SEC24D: variants seen among roughly 807,000 people sequenced by gnomAD.
The protein encoded by SEC24D is protein transport protein Sec24D.
A neutral mutation model predicts 116.9 loss-of-function variants in SEC24D; 69 were observed. The observed-to-expected ratio is 0.59, with a 90% CI of 0.49 to 0.72. SEC24D has a LOEUF of 0.72. SEC24D is among the 30% of genes least tolerant of loss of function. The pLI is 0.00. For synonymous variants in SEC24D, 405 were observed against 442.8 expected (o/e 0.91, Z 1.07); for missense variants, 1,131 against 1,264.1 (o/e 0.89, Z 1.60).
intron 10 of SEC24D, among the ~76,000 whole-genome samples, chr4:118,763,948 T>C (rs1727513165): frequency 6.6e-6 from 1 of 152,126 alleles, no homozygotes; most frequent in African/African-American, 2.4e-5. Flanking sequence ...ACAGAGAAAG[T>C]TGCAAATGCA....
chr4:118,823,325 T>G (rs1406202093), intron 3 of SEC24D, among the ~76,000 whole-genome samples: 6 of 152,176 alleles, frequency 3.9e-5, no homozygotes, highest in Admixed American at 3.9e-4. Context: ...AGCCAGCCAG[T>G]GCCAAGCTCA....
At chr4:118,810,123 T>TGC (rs1486427812) in intron 6 of SEC24D, among the ~76,000 whole-genome samples, 1 of 125,216 alleles carries the variant, frequency 8.0e-6, no homozygotes, top group Non-Finnish European at 1.9e-5. Flanking sequence ...TGTGTGTGTG[T>TGC]GTGTGTGTGT....
chr4:118,753,199 G>A (rs1436169822), intron 11 of SEC24D, among the ~76,000 whole-genome samples: 1 of 151,970 alleles, frequency 6.6e-6, no homozygotes, highest in Non-Finnish European at 1.5e-5. Context: ...CTTTTTTCAT[G>A]AATAAGCTAG....
intron 3 of SEC24D, among the ~76,000 whole-genome samples, chr4:118,824,373 TG>T (rs1337693256): frequency 6.6e-6 from 1 of 152,306 alleles, no homozygotes; most frequent in Admixed American, 6.5e-5. Flanking sequence ...CTCAAACTCC[TG>T]GGCTCAAGCC....
intron 13 of SEC24D, among the ~76,000 whole-genome samples, chr4:118,747,430 C>T (rs1726592875): frequency 6.6e-6 from 1 of 151,846 alleles, no homozygotes; most frequent in African/African-American, 2.4e-5. Flanking sequence ...CCACGCCCAG[C>T]TATTTTTGTA....
chr4:118,747,238 G>A (rs1726578297), intron 13 of SEC24D, among the ~76,000 whole-genome samples: 1 of 150,250 alleles, frequency 6.7e-6, no homozygotes. Context: ...GAAATTCTAT[G>A]ACTGTGAATT....
Position 118,824,673 on chromosome 4 carries a change from T to C in SEC24D, c.195A>G (p.Gly65=). The part of the protein sequence containing the change: ...GMLPPGPPPP[G]PHQFGQNGAH... The stretch of plus-strand genomic sequence containing the variant: ...CTCCATTCTGACCAAACTGATGGGG[T>C]CCAGGAGGTGGGGGACCCGGAGGCA... The change falls in exon 3 of 23, where the codon GGA becomes GGG. Residue 65 remains glycine, a synonymous_variant. Coordinates refer to ENST00000280551, the MANE Select transcript of SEC24D (RefSeq NM_014822.4). 1 of 1,609,054 alleles carries C rather than the reference T, an allele frequency of 6.2e-7. No individual in the cohort carries two copies.
intron 17 of SEC24D, among the ~76,000 whole-genome samples, chr4:118,740,107 G>C (rs933269076): frequency 1.8e-4 from 28 of 152,088 alleles, no homozygotes; most frequent in African/African-American, 6.8e-4. Flanking sequence ...CCTTATAAGA[G>C]GAAAAACTTT....
chr4:118,794,097 G>A (rs1042146814), intron 8 of SEC24D, among the ~76,000 whole-genome samples: 2 of 152,138 alleles, frequency 1.3e-5, no homozygotes, highest in African/African-American at 4.8e-5. Flanking sequence ...GGTAGTATTT[G>A]GTTAAAACAA....
At chr4:118,744,477 G>A (rs113659206) in intron 14 of SEC24D, among the ~76,000 whole-genome samples, 1,995 of 152,318 alleles carry the variant, frequency 0.013, 22 homozygotes, top group Middle Eastern at 0.037. Flanking sequence ...GTGTGTTGCC[G>A]TGTAACCACT....
At chr4:118,814,443 T>C (rs1034366383) in intron 6 of SEC24D, among the ~76,000 whole-genome samples, 21 of 152,216 alleles carry the variant, frequency 1.4e-4, no homozygotes, top group Admixed American at 6.5e-5. Context: ...AACTGAGTGA[T>C]AAATACATCT....
intron 2 of SEC24D, among the ~76,000 whole-genome samples, chr4:118,832,261 C>T (rs1397758907): frequency 6.6e-6 from 1 of 152,096 alleles, no homozygotes; most frequent in East Asian, 1.9e-4. Flanking sequence ...AGGATAGTGT[C>T]ATTGAAACCA....
chr4:118,738,094 A>C (rs958638365), intron 19 of SEC24D, 167 bp downstream of exon 19: 2 of 530,146 alleles, frequency 3.8e-6, no homozygotes, highest in Non-Finnish European at 6.8e-6. Context: ...GGCTATAAAA[A>C]AAAAAACCAC....
intron 10 of SEC24D, among the ~76,000 whole-genome samples, chr4:118,762,722 T>A (rs1428063112): frequency 3.9e-5 from 6 of 152,232 alleles, no homozygotes; most frequent in African/African-American, 1.4e-4. Flanking sequence ...ATATTTATTA[T>A]GAACTCTACT....
intron 10 of SEC24D, among the ~76,000 whole-genome samples, chr4:118,759,838 C>T (rs1037339577): frequency 5.3e-5 from 8 of 152,200 alleles, no homozygotes; most frequent in African/African-American, 1.7e-4. Flanking sequence ...CAAATTCTTT[C>T]TCATCATGAT....
rs1213308729 is a variant in SEC24D at position 118,817,364 on chromosome 4, T to A, written c.297A>T (p.Pro99=). The part of the protein sequence containing the change: ...PVNNVASSHA[P]YQPSAQSSYP... ...AAGAAGATTGTGCAGAGGGTTGGTA[T>A]GGTGCATGTGAGGATGCCACATTGT... Residue 99 remains proline (P), a synonymous_variant, in exon 4 of 23, where the codon CCA becomes CCT. Transcript: ENST00000280551. The A allele has an allele frequency of 6.2e-7, 1 of 1,613,286 alleles. No homozygotes were observed. Among genetic ancestry groups the A allele is most frequent in the South Asian group, 1.1e-5 (1 of 90,972 alleles).
At position 118,739,232 on chromosome 4, in the gene SEC24D, A is replaced by G; in HGVS notation, c.2294T>C (p.Leu765Pro). The change falls in exon 18 of 23, where the codon CTT (leucine) becomes CCT (proline). Residue 765 changes from leucine to proline, a missense_variant. Coordinates refer to ENST00000280551, the MANE Select transcript of SEC24D (RefSeq NM_014822.4). The part of the protein sequence containing the change: ...SGQRRLRIHN[L>P]GLNCSSQLAD... ...TAGCTGAGAGCTGCAGTTTAAGCCA[A>G]GATTGTGAATCCGAAGTCTTCTTTG... is the stretch of plus-strand genomic sequence containing the variant. 6.2e-7 allele frequency: 1 copy of G among 1,613,772 alleles called. No homozygotes were observed. The highest frequency in any genetic ancestry group is 8.5e-7 in the Non-Finnish European group (1 of 1,179,698).
At chr4:118,737,634 TAGAG>T (rs1408929397) in intron 19 of SEC24D, among the ~76,000 whole-genome samples, 1 of 152,166 alleles carries the variant, frequency 6.6e-6, no homozygotes, top group Non-Finnish European at 1.5e-5. Flanking sequence ...TTTATTGACA[TAGAG>T]AAGAATGTGA....
rs747543689 is a variant in SEC24D, at chr4:118,824,678, G to A, written c.190C>T (p.Pro64Ser). 1 of 1,609,500 alleles carries A rather than the reference G, an allele frequency of 6.2e-7. No individual in the cohort carries two copies. The highest frequency in any genetic ancestry group is 8.5e-7 in the Non-Finnish European group (1 of 1,178,146). ...TTCTGACCAAACTGATGGGGTCCAGGAGGTGGGGGACCCGGAGGCAACATT... is the reference window on the plus strand; with the variant it reads ...TTCTGACCAAACTGATGGGGTCCAGAAGGTGGGGGACCCGGAGGCAACATT... ...RGMLPPGPPPPGPHQFGQNGA... is the reference protein window; with the variant it reads ...RGMLPPGPPPSGPHQFGQNGA... The change falls in exon 3 of 23, where the codon CCT becomes TCT. Residue 64 changes from proline (P) to serine (S), a missense_variant. Transcript: ENST00000280551.
Sources: allele counts gnomAD v4.1 joint callset (sites outside exome capture counted in the v4.1 genomes callset), GRCh38; gene constraint gnomAD v4.1.1; transcripts MANE v1.5; gene names NCBI Gene and HGNC (gene_info 2026-07-23, HGNC 2026-07-21).